KCNN2: variants seen among roughly 807,000 people sequenced by gnomAD.
KCNN2 encodes small conductance calcium-activated potassium channel protein 2.
Under a neutral mutation model 55.5 loss-of-function variants are expected in KCNN2, and 24 were observed. That is an observed-to-expected ratio of 0.43 (90% CI 0.31 to 0.61). KCNN2 has a LOEUF of 0.61. Ranked by LOEUF, KCNN2 falls within the 20% of genes least tolerant of loss-of-function variation. KCNN2 has a pLI of 0.08. For missense variants in KCNN2, 754 were observed against 853.6 expected, an observed-to-expected ratio of 0.88 and a Z score of 1.45; for synonymous variants, 431 against 336.1, an observed-to-expected ratio of 1.28 and a Z score of -3.09.
chr5:114,251,373 T>C (rs904096848), intron 2 of KCNN2, among the ~76,000 whole-genome samples: 7 of 152,246 alleles, frequency 4.6e-5, no homozygotes, highest in African/African-American at 1.7e-4. Flanking sequence ...ATCTATTAAA[T>C]ATATAACTTT....
chr5:114,259,466 G>A (rs900858821), intron 2 of KCNN2, among the ~76,000 whole-genome samples: 5 of 152,190 alleles, frequency 3.3e-5, no homozygotes, highest in African/African-American at 1.2e-4. Flanking sequence ...AGGGGTTGGT[G>A]AGTGATCTGG....
chr5:114,096,646 C>A (rs1422599358), intron 1 of KCNN2, among the ~76,000 whole-genome samples: 2 of 152,092 alleles, frequency 1.3e-5, no homozygotes, highest in Non-Finnish European at 2.9e-5. Context: ...TCCCTCTCTC[C>A]CTCGTGGTAC....
intron 1 of KCNN2, among the ~76,000 whole-genome samples, chr5:114,174,192 G>T (rs1753094307): frequency 6.6e-6 from 1 of 152,126 alleles, no homozygotes; most frequent in African/African-American, 2.4e-5. Flanking sequence ...CCCAAGGACA[G>T]CTGTCAAATT....
At chr5:114,216,031 G>A (rs560685803) in intron 1 of KCNN2, among the ~76,000 whole-genome samples, 1 of 152,194 alleles carries the variant, frequency 6.6e-6, no homozygotes, top group Non-Finnish European at 1.5e-5. Context: ...CATATTTTGT[G>A]TAAAAGAATG....
intron 1 of KCNN2, among the ~76,000 whole-genome samples, chr5:114,138,126 T>TA (rs1283849677): frequency 2.6e-5 from 4 of 152,072 alleles, no homozygotes; most frequent in Non-Finnish European, 5.9e-5. Flanking sequence ...CTGTTTATTG[T>TA]AAAAAACAAA....
At chr5:114,316,823 CCATCTGTACT>C (rs1756510799) in intron 2 of KCNN2, among the ~76,000 whole-genome samples, 1 of 152,124 alleles carries the variant, frequency 6.6e-6, no homozygotes, top group Non-Finnish European at 1.5e-5. Context: ...TCAGGTCTGG[CCATCTGTACT>C]CATCTGTGAA....
intron 1 of KCNN2, among the ~76,000 whole-genome samples, chr5:114,216,624 A>T (rs1754006004): frequency 6.6e-6 from 1 of 152,124 alleles, no homozygotes; most frequent in South Asian, 2.1e-4. Context: ...GGTAATAGAG[A>T]GGAACATCCT....
At chr5:114,434,654 G>A (rs2150089598) in intron 3 of KCNN2, among the ~76,000 whole-genome samples, 1 of 152,308 alleles carries the variant, frequency 6.6e-6, no homozygotes, top group Non-Finnish European at 1.5e-5. Context: ...GAAGAAAGGA[G>A]CCATTCTGTA....
intron 3 of KCNN2, among the ~76,000 whole-genome samples, chr5:114,446,158 T>A (rs1760399098): frequency 6.6e-6 from 1 of 152,204 alleles, no homozygotes; most frequent in South Asian, 2.1e-4. Context: ...CTCATTTCTT[T>A]AAAGTATTCG....
At chr5:114,253,730 G>A (rs1754927018) in intron 2 of KCNN2, 1 of 152,206 alleles carries the variant, frequency 6.6e-6, no homozygotes, top group Non-Finnish European at 1.5e-5. Context: ...TCAAGGGCAG[G>A]AGGAGATCTT....
chr5:114,312,434 C>CACATATAT (rs1561566604), intron 2 of KCNN2, among the ~76,000 whole-genome samples: 5 of 23,414 alleles, frequency 2.1e-4, no homozygotes, highest in African/African-American at 4.4e-4. Flanking sequence ...CACACACACA[C>CACATATAT]ATATATATAT....
intron 2 of KCNN2, among the ~76,000 whole-genome samples, chr5:114,266,267 ACTAATGC>A (rs1755205728): frequency 1.3e-5 from 2 of 152,124 alleles, no homozygotes; most frequent in Admixed American, 6.6e-5. Context: ...GCAGCCTCTG[ACTAATGC>A]CTGCTGTAGT....
chr5:114,094,200 G>A (rs1195072790), intron 1 of KCNN2, among the ~76,000 whole-genome samples: 1 of 151,978 alleles, frequency 6.6e-6, no homozygotes, highest in African/African-American at 2.4e-5. Flanking sequence ...CTAGCAGATG[G>A]ATATCTGTGT....
intron 1 of KCNN2, among the ~76,000 whole-genome samples, chr5:114,211,652 C>T (rs76762953): frequency 0.019 from 2,947 of 151,992 alleles, 86 homozygotes; most frequent in African/African-American, 0.066. Context: ...ATACCAAAAC[C>T]GATGGCACGA....
chr5:114,059,795 A>G (rs1015864538), intron 1 of KCNN2, among the ~76,000 whole-genome samples: 4 of 152,252 alleles, frequency 2.6e-5, no homozygotes, highest in African/African-American at 9.6e-5. Flanking sequence ...CTGAAGGTCA[A>G]ACAAGGAAGA....
At chr5:114,144,003 A>G (rs1460357190) in intron 1 of KCNN2, among the ~76,000 whole-genome samples, 1 of 152,200 alleles carries the variant, frequency 6.6e-6, no homozygotes, top group Non-Finnish European at 1.5e-5. Flanking sequence ...TACCCATTGA[A>G]TGGTGTTGAG....
chr5:114,120,921 G>T (rs141543101), intron 1 of KCNN2, among the ~76,000 whole-genome samples: 1 of 152,200 alleles, frequency 6.6e-6, no homozygotes, highest in African/African-American at 2.4e-5. Context: ...ATGAGCTGCT[G>T]TGTCTAGGGA....
Position 114,081,325 on chromosome 5 carries a change from A to G in KCNN2, c.-271+24825A>G, listed in dbSNP as rs144184898. ...TTATATGGAATCTCAAGGCATCCCT[A>G]ATAGCCAGAACAAAATTGAAAAGGA... On this transcript the variant is annotated intron_variant, in intron 1 of 10. Coordinates refer to the KCNN2 transcript ENST00000512097. Among the ~76,000 whole-genome samples the G allele has an allele frequency of 2.3e-3, 351 of 152,284 alleles. 3 individuals are homozygous for G. Among genetic ancestry groups the G allele is most frequent in the African/African-American group, 7.8e-3 (326 of 41,554 alleles).
At chr5:114,312,434 C>CACACACACATATATATAT (rs1561566604) in intron 2 of KCNN2, among the ~76,000 whole-genome samples, 1 of 23,450 alleles carries the variant, frequency 4.3e-5, no homozygotes, top group Non-Finnish European at 8.3e-5. Context: ...CACACACACA[C>CACACACACATATATATAT]ATATATATAT....
Sources: gnomAD v4.1 joint callset for allele counts (sites outside exome capture counted in the v4.1 genomes callset) on GRCh38, gnomAD v4.1.1 for gene constraint, MANE v1.5 for transcripts, NCBI Gene and HGNC (gene_info 2026-07-23, HGNC 2026-07-21) for gene names.